The following TEX11 variants were observed in gnomAD, a reference collection of about 807,000 sequenced individuals.
The protein encoded by TEX11 is testis-expressed protein 11.
In TEX11, 7 loss-of-function variants were observed where a neutral mutation model predicts 84.4. That is an observed-to-expected ratio of 0.08 (90% CI 0.05 to 0.16). The LOEUF (loss-of-function observed/expected upper bound fraction) is 0.16, where lower values mean the gene tolerates loss of function less well. Among genes scored for constraint, TEX11 ranks in the 10% least tolerant of loss-of-function variants. TEX11 has a pLI of 1.00. For missense variants in TEX11, 551 were observed against 660.5 expected (o/e 0.83, Z 1.82); for synonymous variants, 264 against 222.8 (o/e 1.18, Z -1.64).
At chrX:70,670,770 G>A (rs949364140) in intron 15 of TEX11, among the ~76,000 whole-genome samples, 5 of 111,708 alleles carry the variant, frequency 4.5e-5, no homozygotes, top group African/African-American at 1.6e-4. Flanking sequence ...GTCTAAGAGT[G>A]TAGTAAACCA....
intron 11 of TEX11, among the ~76,000 whole-genome samples, chrX:70,739,632 G>A (rs752223018): frequency 1.0e-4 from 11 of 110,414 alleles, no homozygotes; most frequent in African/African-American, 2.0e-4. Flanking sequence ...GGATGGTTTC[G>A]ATCTCTTGAC....
chrX:70,559,907 T>C (rs982900079), intron 25 of TEX11, among the ~76,000 whole-genome samples: 3 of 111,621 alleles, frequency 2.7e-5, no homozygotes, highest in Non-Finnish European at 5.6e-5. Flanking sequence ...TAGAAACATG[T>C]TTGGTTTTAG....
intron 25 of TEX11, among the ~76,000 whole-genome samples, chrX:70,582,693 A>G (rs1423548383): frequency 9.1e-6 from 1 of 109,426 alleles, no homozygotes; most frequent in Non-Finnish European, 1.9e-5. Flanking sequence ...GTTACCTCCT[A>G]TGTTAGAATT....
At chrX:70,607,171 T>C (rs987622517) in intron 22 of TEX11, 142 bp from the exon 23 acceptor site, 1 of 435,199 alleles carries the variant, frequency 2.3e-6, no homozygotes, top group Non-Finnish European at 3.7e-6. Context: ...CAATTAACTT[T>C]AGGTTTTAAA....
chrX:70,691,170 T>C (rs2090231191), intron 13 of TEX11, among the ~76,000 whole-genome samples: 1 of 111,720 alleles, frequency 9.0e-6, no homozygotes, highest in South Asian at 3.7e-4. Flanking sequence ...AGATAAGTGT[T>C]GGTGAGGATG....
intron 28 of TEX11, among the ~76,000 whole-genome samples, chrX:70,546,912 A>C (rs761600702): frequency 3.7e-5 from 4 of 109,309 alleles, no homozygotes; most frequent in Non-Finnish European, 7.6e-5. Context: ...TTGCACATGA[A>C]TATTTATAGT....
intron 2 of TEX11, among the ~76,000 whole-genome samples, chrX:70,881,496 T>A (rs2091683188): frequency 1.8e-5 from 2 of 111,239 alleles, no homozygotes; most frequent in Admixed American, 1.9e-4. Flanking sequence ...AGCAAAAATG[T>A]TAATATTCAT....
chrX:70,701,992 T>C (rs757702411), intron 13 of TEX11, among the ~76,000 whole-genome samples: 13 of 111,963 alleles, frequency 1.2e-4, no homozygotes, highest in South Asian at 3.7e-4. Flanking sequence ...AAGAAAGTGG[T>C]TTCTTGAGAT....
At chrX:70,643,803 A>G (rs1481793359) in intron 17 of TEX11, among the ~76,000 whole-genome samples, 3 of 109,247 alleles carry the variant, frequency 2.7e-5, no homozygotes, top group Non-Finnish European at 5.7e-5. Flanking sequence ...CATTCGACCT[A>G]AAACCATAAA....
chrX:70,769,914 C>T (rs1347522754), intron 9 of TEX11, among the ~76,000 whole-genome samples: 1 of 111,919 alleles, frequency 8.9e-6, no homozygotes, highest in African/African-American at 3.2e-5. Flanking sequence ...AATTTTATCA[C>T]CGTATATGTA....
chrX:70,527,560 A>G (rs73216757), downstream of TEX11, among the ~76,000 whole-genome samples: 7,492 of 112,048 alleles, frequency 0.067, 217 homozygotes, highest in East Asian at 0.11. Flanking sequence ...AGATGGTAGA[A>G]GCATGACAAC....
chrX:70,871,888 C>CT (rs199679004), intron 4 of TEX11, among the ~76,000 whole-genome samples: 4 of 105,795 alleles, frequency 3.8e-5, no homozygotes, highest in African/African-American at 1.0e-4. Flanking sequence ...AGCACCCCCC[C>CT]TTTTTTTTAA....
chrX:70,871,700 A>C (rs2091630270), intron 4 of TEX11, among the ~76,000 whole-genome samples: 1 of 111,009 alleles, frequency 9.0e-6, no homozygotes, highest in Non-Finnish European at 1.9e-5. Flanking sequence ...TGCTACGTGA[A>C]ATGAGACAGT....
At chrX:70,604,703 T>C (rs772274452) in intron 24 of TEX11, among the ~76,000 whole-genome samples, 16 of 111,235 alleles carry the variant, frequency 1.4e-4, no homozygotes, top group African/African-American at 5.2e-4. Flanking sequence ...AAGTTTTCTT[T>C]GTCCAGGTAC....
chrX:70,650,610 C>G (rs2089799366), intron 17 of TEX11, among the ~76,000 whole-genome samples: 1 of 111,721 alleles, frequency 9.0e-6, no homozygotes, highest in Admixed American at 9.5e-5. Flanking sequence ...CTTTACTATT[C>G]TGGAACATTT....
chrX:70,693,238 T>A (rs1025608406), intron 13 of TEX11, among the ~76,000 whole-genome samples: 3 of 110,228 alleles, frequency 2.7e-5, no homozygotes, highest in African/African-American at 9.9e-5. Context: ...CAAAACTCCA[T>A]CTCAAAAAAA....
chrX:70,642,396 G>A (rs980128401), intron 17 of TEX11, among the ~76,000 whole-genome samples: 2 of 110,788 alleles, frequency 1.8e-5, no homozygotes, highest in South Asian at 3.9e-4. Flanking sequence ...AGAAAAAGAG[G>A]GAATCCTCCC....
At chrX:70,659,015 A>G (rs950003568) in intron 16 of TEX11, among the ~76,000 whole-genome samples, 6 of 112,403 alleles carry the variant, frequency 5.3e-5, no homozygotes, top group African/African-American at 1.3e-4. Flanking sequence ...ATGCAAAAGA[A>G]AGAAGCTGGA....
intron 13 of TEX11, among the ~76,000 whole-genome samples, chrX:70,714,778 T>C (rs2090480128): frequency 8.9e-6 from 1 of 111,786 alleles, no homozygotes; most frequent in Non-Finnish European, 1.9e-5. Flanking sequence ...AATTGGAGCA[T>C]TTAGTCCATT....
Sources: gnomAD v4.1 joint callset for allele counts (sites outside exome capture counted in the v4.1 genomes callset) on GRCh38, gnomAD v4.1.1 for gene constraint, MANE v1.5 for transcripts, NCBI Gene and HGNC (gene_info 2026-07-23, HGNC 2026-07-21) for gene names.